The following CPNE4 variants were observed in gnomAD, a reference collection of about 807,000 sequenced individuals.
The protein encoded by CPNE4 is copine-4.
A neutral mutation model predicts 67.9 loss-of-function variants in CPNE4; 25 were observed. That is an observed-to-expected ratio of 0.37 (90% CI 0.27 to 0.51). The LOEUF (loss-of-function observed/expected upper bound fraction) is 0.51. Among genes scored for constraint, CPNE4 ranks in the 20% least tolerant of loss-of-function variants. The pLI is 0.93. For synonymous variants in CPNE4, 242 were observed against 244.9 expected, an observed-to-expected ratio of 0.99 and a Z score of 0.11; for missense variants, 464 against 690.8, an observed-to-expected ratio of 0.67 and a Z score of 3.68.
At chr3:131,729,586 G>T (rs1054079144) in intron 2 of CPNE4, among the ~76,000 whole-genome samples, 8 of 152,174 alleles carry the variant, frequency 5.3e-5, no homozygotes, top group Admixed American at 3.9e-4. Flanking sequence ...GAGAGAGATA[G>T]GTTGGTGCTG....
At chr3:131,591,682 T>C (rs1938541096) in intron 7 of CPNE4, among the ~76,000 whole-genome samples, 1 of 152,170 alleles carries the variant, frequency 6.6e-6, no homozygotes. Context: ...TCAGGGCAGT[T>C]GCAGAATTTT....
intron 6 of CPNE4, among the ~76,000 whole-genome samples, chr3:131,674,385 G>A (rs771455512): frequency 2.4e-4 from 36 of 151,848 alleles, no homozygotes; most frequent in Non-Finnish European, 1.6e-4. Flanking sequence ...GGTAGGATTG[G>A]TATTAGTTCT....
chr3:131,746,616 G>A (rs1351008698), intron 2 of CPNE4, among the ~76,000 whole-genome samples: 1 of 151,992 alleles, frequency 6.6e-6, no homozygotes, highest in African/African-American at 2.4e-5. Context: ...TTCTTTTTAT[G>A]GCTTAATAGT....
intron 1 of CPNE4, among the ~76,000 whole-genome samples, chr3:131,922,910 A>G (rs2107812245): frequency 6.6e-6 from 1 of 152,356 alleles, no homozygotes; most frequent in South Asian, 2.1e-4. Context: ...CCCACACTTA[A>G]AGCTCAGATA....
At chr3:131,662,720 C>A (rs552176073) in intron 7 of CPNE4, among the ~76,000 whole-genome samples, 2 of 152,216 alleles carry the variant, frequency 1.3e-5, no homozygotes, top group Non-Finnish European at 2.9e-5. Context: ...AAAAGCTCAT[C>A]ATCACTGGTC....
At chr3:131,692,958 G>T (rs1236353177) in intron 5 of CPNE4, among the ~76,000 whole-genome samples, 1 of 152,110 alleles carries the variant, frequency 6.6e-6, no homozygotes, top group Admixed American at 6.6e-5. Context: ...ATTAATTGCC[G>T]ACTAGTTGCT....
At chr3:131,797,760 A>C (rs2083957880) in intron 2 of CPNE4, among the ~76,000 whole-genome samples, 1 of 152,212 alleles carries the variant, frequency 6.6e-6, no homozygotes, top group Non-Finnish European at 1.5e-5. Flanking sequence ...GATATAACAC[A>C]TCGATGCCTT....
rs77233582 is a variant in CPNE4 at position 131,846,493 on chromosome 3, G to A, written c.180+58771C>T. On this transcript the variant is annotated intron_variant, in intron 2 of 15. Transcript: ENST00000429747. The stretch of plus-strand genomic sequence containing the variant: ...CATTCCAGTTTCCCCAGCACAGCCA[G>A]CTTCCCTTTATCCCCATTCTTTGGC... 3.7e-3 allele frequency among the ~76,000 whole-genome samples: 568 copies of A among 152,250 alleles called. 5 individuals are homozygous for A. Among genetic ancestry groups the A allele is most frequent in the African/African-American group, 0.013 (532 of 41,566 alleles).
At chr3:131,987,491 A>T (rs1309581010) in intron 1 of CPNE4, among the ~76,000 whole-genome samples, 1 of 151,230 alleles carries the variant, frequency 6.6e-6, no homozygotes, top group Non-Finnish European at 1.5e-5. Context: ...GGTTCAAGCG[A>T]TTCTCCTGCC....
Position 131,535,227 on chromosome 3 carries a change from T to C in CPNE4, c.1642A>G (p.Met548Val), listed in dbSNP as rs757776746. ...KGIKPKCSSE[M>V]YESSRTLAP is the part of the protein sequence containing the mutation. ...GCTAGTGTTCTGGAAGATTCATACA[T>C]TTCTGATGAACATTTTGGTTTAATT... The change falls in exon 16 of 16, where the codon ATG becomes GTG. Residue 548 changes from methionine (M) to valine (V), a missense_variant. Transcript: ENST00000429747. The C allele has an allele frequency of 6.2e-7, 1 of 1,613,704 alleles. No homozygotes were observed. Among genetic ancestry groups the C allele is most frequent in the Admixed American group, 1.7e-5 (1 of 59,748 alleles).
At chr3:131,536,964 A>G (rs2107620525) in intron 15 of CPNE4, among the ~76,000 whole-genome samples, 1 of 152,314 alleles carries the variant, frequency 6.6e-6, no homozygotes, top group East Asian at 1.9e-4. Context: ...GATATAAGTG[A>G]AAATTTCCTG....
rs1046984979 is a variant in CPNE4 at position 131,852,061 on chromosome 3, C to T, written c.180+53203G>A. Among the ~76,000 whole-genome samples the T allele has an allele frequency of 3.9e-5, 6 of 151,960 alleles. No homozygotes were observed. In the South Asian group the frequency reaches 1.0e-3, roughly 26 times the overall value. On this transcript the variant is annotated intron_variant, in intron 2 of 15. Coordinates refer to ENST00000429747, the MANE Select transcript of CPNE4 (RefSeq NM_130808.3). ...AGCCTGAACTTTTTATTAAGCAAAACCTACTTTTGAAAGAGACATGGGAGA... is the reference window on the plus strand; with the variant it reads ...AGCCTGAACTTTTTATTAAGCAAAATCTACTTTTGAAAGAGACATGGGAGA...
At chr3:131,674,482 A>G (rs1458556294) in intron 6 of CPNE4, among the ~76,000 whole-genome samples, 1 of 151,950 alleles carries the variant, frequency 6.6e-6, no homozygotes, top group Non-Finnish European at 1.5e-5. Flanking sequence ...ACATTTTATC[A>G]TGACTTTGAT....
At chr3:131,720,196 G>T (rs533822628) in intron 3 of CPNE4, among the ~76,000 whole-genome samples, 9 of 151,752 alleles carry the variant, frequency 5.9e-5, no homozygotes, top group Admixed American at 5.9e-4. Flanking sequence ...CAAGCTCTTT[G>T]TGATATTTGG....
chr3:131,545,348 G>A (rs1935768892), intron 14 of CPNE4, among the ~76,000 whole-genome samples: 2 of 152,050 alleles, frequency 1.3e-5, no homozygotes, highest in Admixed American at 1.3e-4. Context: ...CTAAACTAGG[G>A]GTTCTTAACC....
intron 2 of CPNE4, among the ~76,000 whole-genome samples, chr3:131,882,993 AG>A (rs2087740072): frequency 6.6e-6 from 1 of 152,150 alleles, no homozygotes; most frequent in African/African-American, 2.4e-5. Context: ...CTGGGATTAC[AG>A]GCGTGAGCCA....
At chr3:132,017,194 A>G (rs2073905400) in intron 1 of CPNE4, among the ~76,000 whole-genome samples, 1 of 152,222 alleles carries the variant, frequency 6.6e-6, no homozygotes, top group Non-Finnish European at 1.5e-5. Context: ...TGAATTGAAG[A>G]AAGGCGGTAA....
intron 15 of CPNE4, among the ~76,000 whole-genome samples, chr3:131,537,939 T>G (rs1935254206): frequency 6.6e-6 from 1 of 152,148 alleles, no homozygotes; most frequent in South Asian, 2.1e-4. Context: ...GAATAATTCT[T>G]TGTGTGGGGG....
At chr3:131,878,378 G>A (rs781117062) in intron 2 of CPNE4, among the ~76,000 whole-genome samples, 3 of 151,996 alleles carry the variant, frequency 2.0e-5, no homozygotes, top group Non-Finnish European at 4.4e-5. Flanking sequence ...GAGCACATGC[G>A]GTATGATATA....
Sources: gnomAD v4.1 joint callset for allele counts (sites outside exome capture counted in the v4.1 genomes callset) on GRCh38, gnomAD v4.1.1 for gene constraint, MANE v1.5 for transcripts, NCBI Gene and HGNC (gene_info 2026-07-23, HGNC 2026-07-21) for gene names.